The following COX5A variants were observed in gnomAD, a reference collection of about 807,000 sequenced individuals.
COX5A encodes the protein cytochrome c oxidase subunit 5A, also known as cytochrome c oxidase subunit 5A, mitochondrial.
COX5A carries 6 observed loss-of-function variants against 16.1 expected under a neutral mutation model. The ratio of observed to expected loss-of-function variants is 0.37; its 90% CI spans 0.20 to 0.73. The LOEUF (loss-of-function observed/expected upper bound fraction) is 0.73. COX5A is among the 30% of genes least tolerant of loss of function. COX5A has a pLI of 0.50. For missense variants in COX5A, 159 were observed against 194.9 expected (o/e 0.82, Z 1.10); for synonymous variants, 73 against 73.8 (o/e 0.99, Z 0.06).
intron 1 of COX5A, among the ~76,000 whole-genome samples, chr15:74,930,416 C>CAAAA (rs71140116): frequency 2.7e-5 from 3 of 110,034 alleles, no homozygotes; most frequent in African/African-American, 1.1e-4. Flanking sequence ...GACTCCGCCT[C>CAAAA]AAAAAAAAAA....
Position 74,937,925 on chromosome 15 carries a change from G to T in COX5A, c.90C>A (p.Gly30=), listed in dbSNP as rs561479774. ...AAGCAGGGGCCTTACCCACGGCGGGGCCGGGGGTCCGGGCGGAGTGCAGGA... is the reference window on the plus strand; with the variant it reads ...AAGCAGGGGCCTTACCCACGGCGGGTCCGGGGGTCCGGGCGGAGTGCAGGA... The part of the protein sequence containing the change: ...RGLLHSARTP[G]PAVAIQSVRC... The change falls in exon 1 of 5, where the codon GGC becomes GGA. Residue 30 remains glycine (G), a synonymous_variant. Transcript: ENST00000322347. 93 of 1,232,180 alleles carry T rather than the reference G, an allele frequency of 7.5e-5. No homozygotes were observed. In the African/African-American group the frequency reaches 1.2e-3, roughly 15 times the overall value. The allele number at this position is 1,232,180 out of a possible 1,614,324, so 76.3% of individuals were successfully genotyped here.
intron 4 of COX5A, among the ~76,000 whole-genome samples, chr15:74,921,428 A>T: frequency 7.0e-6 from 1 of 142,028 alleles, no homozygotes; most frequent in South Asian, 2.3e-4. Context: ...AAAAAAAAAG[A>T]AAAAGAATAT....
intron 3 of COX5A, among the ~76,000 whole-genome samples, chr15:74,925,456 T>C (rs1292784912): frequency 6.6e-6 from 1 of 152,048 alleles, no homozygotes; most frequent in Non-Finnish European, 1.5e-5. Flanking sequence ...TGGTGCCATC[T>C]TGGCTCACTG....
chr15:74,920,725 G>A (rs1018005711), intron 4 of COX5A, among the ~76,000 whole-genome samples: 1 of 152,096 alleles, frequency 6.6e-6, no homozygotes, highest in Non-Finnish European at 1.5e-5. Context: ...TGCCTGTAAC[G>A]CTAGCCCTTT....
chr15:74,926,012 T>G (rs1361558828), intron 3 of COX5A, among the ~76,000 whole-genome samples: 1 of 150,648 alleles, frequency 6.6e-6, no homozygotes, highest in East Asian at 1.9e-4. Flanking sequence ...ATTACAGGCA[T>G]GTGCCACCAT....
At chr15:74,931,016 CAAAAAAA>C (rs61417867) in intron 1 of COX5A, among the ~76,000 whole-genome samples, 2 of 23,718 alleles carry the variant, frequency 8.4e-5, no homozygotes, top group South Asian at 5.8e-3. Flanking sequence ...GACTCTGTCT[CAAAAAAA>C]AAAAAAAAAA....
rs185751838 is a variant in COX5A, at chr15:74,934,416, C to T, written c.100+3499G>A. ...CGCAATCTCAGCTCACTGCAAGCTC[C>T]GCCTCCCAGGTTCACGCCATTCTCC... is the stretch of plus-strand genomic sequence containing the variant. On this transcript the variant is annotated intron_variant, in intron 1 of 4. Transcript: ENST00000322347. Among the ~76,000 whole-genome samples, 439 of 152,014 alleles carry T rather than the reference C, an allele frequency of 2.9e-3. 7 individuals are homozygous for T. Among genetic ancestry groups the T allele is most frequent in the African/African-American group, 0.01 (428 of 41,470 alleles).
intron 1 of COX5A, among the ~76,000 whole-genome samples, chr15:74,935,263 C>T (rs2141274999): frequency 6.6e-6 from 1 of 152,050 alleles, no homozygotes; most frequent in East Asian, 1.9e-4. Context: ...GCACTGCAGC[C>T]TGCATGACAG....
chr15:74,925,119 T>C (rs2065337575), intron 3 of COX5A, among the ~76,000 whole-genome samples: 1 of 151,936 alleles, frequency 6.6e-6, no homozygotes, highest in South Asian at 2.1e-4. Flanking sequence ...GGTCAGGAGT[T>C]TGAGATCAGC....
intron 4 of COX5A, among the ~76,000 whole-genome samples, chr15:74,922,688 C>CAGG (rs1282352475): frequency 7.6e-6 from 1 of 132,006 alleles, no homozygotes; most frequent in Non-Finnish European, 1.6e-5. Context: ...TTTTTTGAGA[C>CAGG]AGAGTCTCAC....
chr15:74,926,726 C>T (rs767044165), intron 3 of COX5A, 40 bp downstream of exon 3: 1 of 1,585,604 alleles, frequency 6.3e-7, no homozygotes, highest in Admixed American at 1.8e-5. Context: ...CAATAGCCCA[C>T]TCATTTACAG....
chr15:74,928,312 A>G (rs1184386485), intron 2 of COX5A, among the ~76,000 whole-genome samples: 1 of 152,208 alleles, frequency 6.6e-6, no homozygotes, highest in Non-Finnish European at 1.5e-5. Flanking sequence ...TTCATGGCAA[A>G]ACAATGCAAA....
Position 74,923,153 on chromosome 15 carries a change from C to T in COX5A, c.*9+495G>A, listed in dbSNP as rs555734587. ...AGTAAGAAAATAATGATGCCGGGCG[C>T]GGTGGCTCAAGCCTGTAATCCCAGC... On this transcript the variant is annotated intron_variant, in intron 4 of 4. Transcript: ENST00000322347. Among the ~76,000 whole-genome samples, 15 of 151,780 alleles carry T rather than the reference C, an allele frequency of 9.9e-5. No homozygotes were observed. The East Asian group carries it at 2.2e-3, about 22-fold the overall frequency.
At chr15:74,936,871 C>G (rs2065392896) in intron 1 of COX5A, among the ~76,000 whole-genome samples, 1 of 151,926 alleles carries the variant, frequency 6.6e-6, no homozygotes, top group East Asian at 1.9e-4. Context: ...TCAGGTGATC[C>G]GCCCGCCTCG....
chr15:74,936,562 C>T (rs551649862), intron 1 of COX5A, among the ~76,000 whole-genome samples: 1 of 151,894 alleles, frequency 6.6e-6, no homozygotes, highest in South Asian at 2.1e-4. Flanking sequence ...AAAGTACCCT[C>T]CAGCCTTATG....
chr15:74,919,884 C>T lies in COX5A; in HGVS notation c.*568G>A, dbSNP rs1133323. On this transcript the variant is annotated 3_prime_UTR_variant, in exon 5 of 5. Coordinates refer to ENST00000322347, the MANE Select transcript of COX5A (RefSeq NM_004255.4). The stretch of plus-strand genomic sequence containing the variant: ...CTAATACACCACTGCAAGGGAAGAA[C>T]AGGTAGGAAAGGAAAGGGGCACTAA... 0.35 allele frequency: 54,050 copies of T among 153,274 alleles called. 12,332 individuals carry two copies. Among genetic ancestry groups the T allele is most frequent in the Non-Finnish European group, 0.52 (35,740 of 68,912 alleles). The allele number at this position is 153,274 out of a possible 1,614,324, so 9.5% of individuals were successfully genotyped here.
chr15:74,928,999 G>C (rs1461472014), intron 2 of COX5A, 117 bp downstream of exon 2: 1 of 742,172 alleles, frequency 1.3e-6, no homozygotes, highest in Non-Finnish European at 2.4e-6. Flanking sequence ...ACTGCAAGTT[G>C]CATGAAGTAA....
At chr15:74,930,893 T>C (rs2141273357) in intron 1 of COX5A, among the ~76,000 whole-genome samples, 1 of 150,160 alleles carries the variant, frequency 6.7e-6, no homozygotes, top group South Asian at 2.1e-4. Flanking sequence ...GGCGGGCGCC[T>C]GTGGTCCCAC....
At chr15:74,925,840 T>A (rs2065340742) in intron 3 of COX5A, among the ~76,000 whole-genome samples, 1 of 151,734 alleles carries the variant, frequency 6.6e-6, no homozygotes, top group Admixed American at 6.6e-5. Context: ...TCTTTATATA[T>A]CCTTTATTAT....
Sources: allele counts gnomAD v4.1 joint callset (sites outside exome capture counted in the v4.1 genomes callset), GRCh38; gene constraint gnomAD v4.1.1; transcripts MANE v1.5; gene names NCBI Gene and HGNC (gene_info 2026-07-23, HGNC 2026-07-21).